Variants in UGT1A8 observed in about 807,000 individuals in gnomAD.
UGT1A8 encodes the protein UDP-glucuronosyltransferase 1A8.
Under a neutral mutation model 45.3 loss-of-function variants are expected in UGT1A8, and 39 were observed. The ratio of observed to expected loss-of-function variants is 0.86; its 90% CI spans 0.67 to 1.12. UGT1A8 has a LOEUF of 1.12. Among genes scored for constraint, UGT1A8 ranks in the 50% most tolerant of loss-of-function variants. The pLI is 0.00. For synonymous variants in UGT1A8, 275 were observed against 249.2 expected (o/e 1.10, Z -0.97); for missense variants, 719 against 664.9 (o/e 1.08, Z -0.90).
At position 233,768,314 on chromosome 2, in the gene UGT1A8, G is replaced by T. The variant is rs1430980091; in HGVS notation, c.1170G>T (p.Leu390Phe). The T allele has an allele frequency of 6.2e-7, 1 of 1,614,062 alleles. No individual in the cohort carries two copies. The highest frequency in any genetic ancestry group is 8.5e-7 in the Non-Finnish European group (1 of 1,180,048). Residue 390 changes from leucine (L) to phenylalanine (F), a missense_variant, in exon 4 of 5, where the codon TTG becomes TTT. Leu to Phe is a conservative substitution (Grantham distance 22). Transcript: ENST00000373450. ...CNGVPMVMMP[L>F]FGDQMDNAKR... is the part of the protein sequence containing the mutation. ...GCGTTCCCATGGTGATGATGCCCTT[G>T]TTTGGTGATCAGATGGACAATGCAA...
intron 1 of UGT1A8, among the ~76,000 whole-genome samples, chr2:233,758,729 C>T (rs1001839617): frequency 6.6e-6 from 1 of 152,208 alleles, no homozygotes; most frequent in African/African-American, 2.4e-5. Context: ...CCTCTAAGCA[C>T]ATCCCCAAGT....
intron 1 of UGT1A8, among the ~76,000 whole-genome samples, chr2:233,715,287 A>G (rs1325168484): frequency 6.6e-6 from 1 of 152,128 alleles, no homozygotes; most frequent in East Asian, 1.9e-4. Context: ...CTCCAGTTAT[A>G]TTTTGGCTCT....
chr2:233,741,944 G>C (rs570984186), intron 1 of UGT1A8: 2 of 152,018 alleles, frequency 1.3e-5, no homozygotes, highest in African/African-American at 4.8e-5. Context: ...TGTGCCAACA[G>C]AAAGGTACTT....
chr2:233,649,004 A>G, intron 1 of UGT1A8: 7 of 1,368,084 alleles, frequency 5.1e-6, no homozygotes, highest in Admixed American at 3.6e-5. Flanking sequence ...ATCAACTGCA[A>G]TCAGGGAAAG....
At chr2:233,707,135 C>A (rs2075943267) in intron 1 of UGT1A8, among the ~76,000 whole-genome samples, 1 of 152,064 alleles carries the variant, frequency 6.6e-6, no homozygotes, top group African/African-American at 2.4e-5. Context: ...GCTTTCTATC[C>A]CGGAGGTCAC....
intron 2 of UGT1A8, among the ~76,000 whole-genome samples, chr2:233,767,385 C>T (rs930276020): frequency 1.6e-4 from 25 of 152,084 alleles, no homozygotes; most frequent in African/African-American, 5.8e-4. Context: ...CCACCACACT[C>T]AGAAGTATCA....
At chr2:233,634,836 C>T (rs1329874825) in intron 1 of UGT1A8, among the ~76,000 whole-genome samples, 1 of 150,616 alleles carries the variant, frequency 6.6e-6, no homozygotes, top group Non-Finnish European at 1.5e-5. Context: ...GAACTTGATC[C>T]TGTCATTATG....
At chr2:233,632,225 T>C (rs1187419634) in intron 1 of UGT1A8, among the ~76,000 whole-genome samples, 2 of 152,206 alleles carry the variant, frequency 1.3e-5, no homozygotes, top group African/African-American at 4.8e-5. Flanking sequence ...CCATGCTGTT[T>C]TTGTTACTGT....
At chr2:233,688,505 C>A (rs2074897522) in intron 1 of UGT1A8, among the ~76,000 whole-genome samples, 1 of 152,100 alleles carries the variant, frequency 6.6e-6, no homozygotes, top group Non-Finnish European at 1.5e-5. Context: ...ATGTCACATG[C>A]AGTGAAATGC....
intron 1 of UGT1A8, chr2:233,747,201 G>A: frequency 3.7e-6 from 6 of 1,604,878 alleles, no homozygotes; most frequent in Non-Finnish European, 4.3e-6. Flanking sequence ...AGCTGTCCGT[G>A]TCTTCTGCTG....
intron 1 of UGT1A8, among the ~76,000 whole-genome samples, chr2:233,631,697 A>G (rs1435247864): frequency 6.6e-6 from 1 of 151,200 alleles, no homozygotes; most frequent in Non-Finnish European, 1.5e-5. Flanking sequence ...TTTTTCTTGT[A>G]AATTGGTTTA....
chr2:233,627,026 G>T (rs1168256477), intron 1 of UGT1A8, among the ~76,000 whole-genome samples: 1 of 151,400 alleles, frequency 6.6e-6, no homozygotes, highest in Admixed American at 6.6e-5. Flanking sequence ...AAGGCTTAAG[G>T]TTTGGCAGTT....
At position 233,648,367 on chromosome 2, in the gene UGT1A8, G is replaced by T. The variant is rs1480053379; in HGVS notation, c.855+29805G>T. 4 of 396,572 alleles carry T rather than the reference G, an allele frequency of 1.0e-5. No homozygotes were observed. In the Admixed American group the frequency reaches 1.1e-4, roughly 11 times the overall value. 24.6% of individuals were successfully genotyped at this position (396,572 alleles called of 1,614,324 possible). A position where few individuals can be genotyped will look rare whatever the true frequency, so the allele number is the denominator to read the frequency against. ...AGGAATACTTTGACATTACCTTGAA[G>T]AAGGTGCACAGTGCCCTGCTTCTCT... On this transcript the variant is annotated intron_variant, in intron 1 of 4. Transcript: ENST00000373450.
intron 1 of UGT1A8, chr2:233,729,300 A>G (rs143500969): frequency 9.7e-5 from 156 of 1,614,266 alleles, no homozygotes; most frequent in East Asian, 1.6e-4. Flanking sequence ...GCCACCAGGC[A>G]GTGGTCCTCA....
chr2:233,713,311 T>G, intron 1 of UGT1A8: 1 of 1,614,252 alleles, frequency 6.2e-7, no homozygotes, highest in East Asian at 2.2e-5. Flanking sequence ...GAACATCTTC[T>G]GATGAAATTT....
At chr2:233,636,501 T>C (rs371096868) in intron 1 of UGT1A8, 182 of 1,600,432 alleles carry the variant, frequency 1.1e-4, no homozygotes, top group Non-Finnish European at 1.4e-4. Flanking sequence ...TCCCAGCTGC[T>C]GGCTCGGGCT....
At chr2:233,708,101 A>G (rs1377829159) in intron 1 of UGT1A8, among the ~76,000 whole-genome samples, 3 of 152,230 alleles carry the variant, frequency 2.0e-5, no homozygotes, top group African/African-American at 7.2e-5. Flanking sequence ...GAATTAGAAT[A>G]AACATCTTAG....
At chr2:233,679,002 G>A (rs1421713057) in intron 1 of UGT1A8, among the ~76,000 whole-genome samples, 1 of 152,164 alleles carries the variant, frequency 6.6e-6, no homozygotes, top group Non-Finnish European at 1.5e-5. Flanking sequence ...AATAACAGTG[G>A]CATCTTCAGT....
At chr2:233,686,995 T>A (rs2074816437) in intron 1 of UGT1A8, among the ~76,000 whole-genome samples, 1 of 152,180 alleles carries the variant, frequency 6.6e-6, no homozygotes, top group South Asian at 2.1e-4. Flanking sequence ...AAGTCTTGGT[T>A]TCAACACTAG....
Sources: gnomAD v4.1 joint callset for allele counts (sites outside exome capture counted in the v4.1 genomes callset) on GRCh38, gnomAD v4.1.1 for gene constraint, MANE v1.5 for transcripts, NCBI Gene and HGNC (gene_info 2026-07-23, HGNC 2026-07-21) for gene names.